CALN1: variants seen among roughly 807,000 people sequenced by gnomAD.
CALN1 encodes calneuron 1.
Under a neutral mutation model 30.6 loss-of-function variants are expected in CALN1, and 17 were observed. The ratio of observed to expected loss-of-function variants is 0.56; its 90% confidence interval spans 0.38 to 0.83. CALN1 has a LOEUF of 0.83. Among genes scored for constraint, CALN1 ranks in the 40% least tolerant of loss-of-function variants. CALN1 has a pLI of 0.00. For missense variants in CALN1, 291 were observed against 354.9 expected, an observed-to-expected ratio of 0.82 and a Z score of 1.45; for synonymous variants, 156 against 131.4, an observed-to-expected ratio of 1.19 and a Z score of -1.28.
chr7:71,784,550 GCTT>G lies in CALN1; in HGVS notation c.*3222_*3224del, dbSNP rs1792886708. On this transcript the variant is annotated 3_prime_UTR_variant, in exon 7 of 7. Transcript: ENST00000395275. ...TGGGTATCTGGAAAGGTGGGGCGCA[GCTT>G]CTTTGGGGATCAAGGGGGTCAGGGT... The G allele has an allele frequency of 8.8e-6, 3 of 342,690 alleles. No homozygotes were observed. Among genetic ancestry groups the G allele is most frequent in the African/African-American group, 6.3e-5 (3 of 47,382 alleles). 21.2% of individuals were successfully genotyped at this position (342,690 alleles called of 1,614,324 possible).
intron 5 of CALN1, among the ~76,000 whole-genome samples, chr7:71,887,874 T>C (rs909465568): frequency 6.6e-6 from 1 of 151,444 alleles, no homozygotes; most frequent in Non-Finnish European, 1.5e-5. Context: ...CTACCGAGAA[T>C]GTGTGTGCAA....
chr7:72,384,105 G>C (rs1222937827), intron 2 of CALN1, among the ~76,000 whole-genome samples: 2 of 152,228 alleles, frequency 1.3e-5, no homozygotes, highest in Admixed American at 1.3e-4. Flanking sequence ...TCCTGGATAT[G>C]ACTTGGAGGA....
intron 5 of CALN1, among the ~76,000 whole-genome samples, chr7:72,007,638 C>T (rs922493905): frequency 2.9e-4 from 44 of 152,148 alleles, no homozygotes; most frequent in African/African-American, 1.0e-3. Context: ...TTTCTCCTAC[C>T]CCTTACACTA....
At chr7:72,059,904 C>T (rs1044284583) in intron 4 of CALN1, among the ~76,000 whole-genome samples, 3 of 152,100 alleles carry the variant, frequency 2.0e-5, no homozygotes, top group South Asian at 2.1e-4. Flanking sequence ...ATGCAGAGAA[C>T]GCATGGAACA....
intron 3 of CALN1, among the ~76,000 whole-genome samples, chr7:72,164,402 C>T (rs190163539): frequency 2.6e-4 from 39 of 148,238 alleles, no homozygotes; most frequent in Non-Finnish European, 3.6e-4. Context: ...ATAGGAAGAA[C>T]GCCATGTGAT....
chr7:72,161,414 A>G (rs1788099410), intron 3 of CALN1, among the ~76,000 whole-genome samples: 1 of 152,200 alleles, frequency 6.6e-6, no homozygotes, highest in Non-Finnish European at 1.5e-5. Context: ...AGAGGCCTAA[A>G]TAATGTCATA....
At chr7:71,855,019 G>A (rs1449606480) in intron 5 of CALN1, among the ~76,000 whole-genome samples, 1 of 152,180 alleles carries the variant, frequency 6.6e-6, no homozygotes, top group Non-Finnish European at 1.5e-5. Flanking sequence ...CTGAGGTTCT[G>A]TGTAAAGAAC....
At chr7:72,484,091 C>T in the CALN1 span, among the ~76,000 whole-genome samples, 1 of 152,098 alleles carries the variant, frequency 6.6e-6, no homozygotes, top group Non-Finnish European at 1.5e-5. Flanking sequence ...GTCCTGTCTG[C>T]TCATTCTGAC....
intron 3 of CALN1, among the ~76,000 whole-genome samples, chr7:72,186,804 G>C (rs776171193): frequency 1.3e-5 from 2 of 150,700 alleles, no homozygotes; most frequent in Non-Finnish European, 3.0e-5. Flanking sequence ...TCTTTATGCA[G>C]TCCACCACTG....
At chr7:71,814,778 TTATTG>T (rs1433170323) in intron 5 of CALN1, among the ~76,000 whole-genome samples, 4 of 152,322 alleles carry the variant, frequency 2.6e-5, no homozygotes, top group East Asian at 1.9e-4. Flanking sequence ...CTAGATTACT[TTATTG>T]TAAGAATGCA....
intron 5 of CALN1, among the ~76,000 whole-genome samples, chr7:72,016,902 C>T (rs1800408746): frequency 6.7e-6 from 1 of 148,692 alleles, no homozygotes; most frequent in Non-Finnish European, 1.5e-5. Flanking sequence ...CCTGTAATCC[C>T]AACACTTTGG....
intron 5 of CALN1, among the ~76,000 whole-genome samples, chr7:71,901,957 A>G (rs1252179692): frequency 6.6e-6 from 1 of 152,250 alleles, no homozygotes; most frequent in Non-Finnish European, 1.5e-5. Context: ...ACACAGCAAA[A>G]GAAATAATTA....
chr7:71,993,982 A>G (rs779527278), intron 5 of CALN1, among the ~76,000 whole-genome samples: 1 of 152,202 alleles, frequency 6.6e-6, no homozygotes, highest in Non-Finnish European at 1.5e-5. Context: ...TTGTGACCCC[A>G]AACTCTATAT....
chr7:72,436,899 C>T (rs1808178279), intron 1 of CALN1, among the ~76,000 whole-genome samples: 1 of 152,102 alleles, frequency 6.6e-6, no homozygotes, highest in Admixed American at 6.5e-5. Context: ...AGCGAGGGCT[C>T]GTCTCTGCAG....
chr7:72,051,930 T>C (rs1330695285), intron 4 of CALN1, among the ~76,000 whole-genome samples: 1 of 152,202 alleles, frequency 6.6e-6, no homozygotes, highest in Non-Finnish European at 1.5e-5. Flanking sequence ...GGCAGAAGCA[T>C]ATTCTCCTAC....
chr7:71,858,711 T>G (rs1791093470), intron 5 of CALN1, among the ~76,000 whole-genome samples: 1 of 152,124 alleles, frequency 6.6e-6, no homozygotes, highest in African/African-American at 2.4e-5. Flanking sequence ...CAATCAGAGA[T>G]TCAAAAGAGT....
chr7:71,831,093 T>C (rs1381883170), intron 5 of CALN1, among the ~76,000 whole-genome samples: 1 of 152,178 alleles, frequency 6.6e-6, no homozygotes, highest in Non-Finnish European at 1.5e-5. Flanking sequence ...TAATCTAGGA[T>C]GGATTCTGCC....
At chr7:72,006,070 A>G (rs1294350368) in intron 5 of CALN1, among the ~76,000 whole-genome samples, 1 of 152,214 alleles carries the variant, frequency 6.6e-6, no homozygotes, top group African/African-American at 2.4e-5. Flanking sequence ...TGGAGTGTAC[A>G]TGGGATCTTT....
At chr7:72,157,104 G>T (rs1563106333) in intron 3 of CALN1, among the ~76,000 whole-genome samples, 1 of 152,176 alleles carries the variant, frequency 6.6e-6, no homozygotes, top group Non-Finnish European at 1.5e-5. Flanking sequence ...CAAACCAATC[G>T]GTTGAGCCCA....
Sources: gnomAD v4.1 joint callset for allele counts (sites outside exome capture counted in the v4.1 genomes callset) on GRCh38, gnomAD v4.1.1 for gene constraint, MANE v1.5 for transcripts, NCBI Gene and HGNC (gene_info 2026-07-23, HGNC 2026-07-21) for gene names.